Variants in ZNF750 observed in about 807,000 individuals in gnomAD.
ZNF750 encodes the protein protein ZNF750.
Under a neutral mutation model 31.6 loss-of-function variants are expected in ZNF750, and 10 were observed. That is an observed-to-expected ratio of 0.32 (90% CI 0.19 to 0.54). The LOEUF (loss-of-function observed/expected upper bound fraction) is 0.54, where lower values mean the gene tolerates loss of function less well. Ranked by LOEUF, ZNF750 falls within the 20% of genes least tolerant of loss-of-function variation. The pLI is 0.95. For missense variants in ZNF750, 914 were observed against 934.9 expected (o/e 0.98, Z 0.29); for synonymous variants, 400 against 404.9 (o/e 0.99, Z 0.15).
In ZNF750 at chr17:82,830,520, C is replaced by G. The variant is rs774568008; in HGVS notation, c.1794G>C (p.Glu598Asp). Residue 598 changes from glutamate (E) to aspartate (D), a missense_variant, in exon 3 of 3, where the codon GAG (glutamate) becomes GAC (aspartate). This residue lies in a region of ZNF750 where 880 missense variants were observed against 868.9 expected (regional missense o/e 1.01). Coordinates refer to ENST00000269394, the MANE Select transcript of ZNF750 (RefSeq NM_024702.3). ...EGSEDGPSHP[E>D]TKPGSLDGDG... ...CACCGTCGAGGCTGCCTGGCTTGGT[C>G]TCAGGGTGGCTGGGCCCATCCTCAG... 1.2e-6 allele frequency: 2 copies of G among 1,614,006 alleles called. No homozygotes were observed. The highest frequency in any genetic ancestry group is 3.3e-5 in the Admixed American group (2 of 60,028).
chr17:82,830,623 G>A lies in ZNF750; in HGVS notation c.1691C>T (p.Pro564Leu), dbSNP rs145441025. ...SVKDPCNTQA[P>L]RPAFPGRPRA... The stretch of plus-strand genomic sequence containing the variant: ...TGGTCGACCGGGGAAGGCAGGCCTC[G>A]GAGCCTGGGTGTTACAGGGGTCCTT... The change falls in exon 3 of 3, where the codon CCG becomes CTG. Residue 564 changes from proline (P) to leucine (L), a missense_variant. Physicochemically the swap from Pro to Leu is moderately conservative, Grantham distance 98 (BLOSUM62 -3). Coordinates refer to ENST00000269394, the MANE Select transcript of ZNF750 (RefSeq NM_024702.3). 222 of 1,614,050 alleles carry A rather than the reference G, an allele frequency of 1.4e-4. 1 individual carries two copies. The African/African-American group carries it at 2.5e-3, about 18-fold the overall frequency.
Position 82,831,217 on chromosome 17 carries a change from C to A in ZNF750, c.1238G>T (p.Gly413Val). The part of the protein sequence containing the change: ...RAGSAATGSP[G>V]RPSPTDFMQT... Reference sequence around the variant, plus strand: ...CATGAAGTCGGTGGGGCTCGGCCTCCCTGGGGAGCCCGTGGCTGCACTCCC... The same window carrying A: ...CATGAAGTCGGTGGGGCTCGGCCTCACTGGGGAGCCCGTGGCTGCACTCCC... Residue 413 changes from glycine (G) to valine (V), a missense_variant, in exon 2 of 3, where the codon GGG (glycine) becomes GTG (valine). Transcript: ENST00000269394. This position sits in a 1 kb window ranked among gnomAD's most constrained non-coding sequence, Gnocchi z 4.6. The A allele has an allele frequency of 6.2e-7, 1 of 1,614,044 alleles. No homozygotes were observed. The highest frequency in any genetic ancestry group is 1.7e-5 in the Admixed American group (1 of 60,024).
chr17:82,831,268 T>G lies in ZNF750; in HGVS notation c.1187A>C (p.Glu396Ala). The change falls in exon 2 of 3, where the codon GAA becomes GCA. Residue 396 changes from glutamate to alanine, a missense_variant. Transcript: ENST00000269394. The surrounding 1 kb of genome is among the most constrained non-coding windows in gnomAD (Gnocchi z 4.6). Reference protein sequence around the residue: ...DSSKAGQRDTEGSKMSPRAGS... With the variant: ...DSSKAGQRDTAGSKMSPRAGS... ...TGCGCGGGGGCTCATTTTGGACCCT[T>G]CCGTGTCTCTCTGCCCAGCCTTGGA... is the stretch of plus-strand genomic sequence containing the variant. 1.2e-6 allele frequency: 2 copies of G among 1,613,870 alleles called. No individual in the cohort carries two copies. The highest frequency in any genetic ancestry group is 1.7e-6 in the Non-Finnish European group (2 of 1,180,028).
At chr17:82,837,469 A>G (rs1429454809) in intron 1 of ZNF750, among the ~76,000 whole-genome samples, 1 of 152,226 alleles carries the variant, frequency 6.6e-6, no homozygotes, top group African/African-American at 2.4e-5. Flanking sequence ...TAGAGGGGAT[A>G]AAGAAGTGCG....
At chr17:82,839,051 C>T in intron 1 of ZNF750, 9 of 877,738 alleles carry the variant, frequency 1.0e-5, no homozygotes, top group Non-Finnish European at 1.1e-5. Context: ...GTACAGAAGA[C>T]CTTAACAACC....
In ZNF750 at chr17:82,832,278, C is replaced by G. The variant is rs769637910; in HGVS notation, c.177G>C (p.Gln59His). 1 of 1,614,114 alleles carries G rather than the reference C, an allele frequency of 6.2e-7. No homozygotes were observed. The highest frequency in any genetic ancestry group is 8.5e-7 in the Non-Finnish European group (1 of 1,180,054). Reference sequence around the variant, plus strand: ...ATTTAGGGCACTTGGGAACTCGATCCTGCTCTGATACTAAAGTAATCGAGT... The same window carrying G: ...ATTTAGGGCACTTGGGAACTCGATCGTGCTCTGATACTAAAGTAATCGAGT... ...CKNSITLVSE[Q>H]DRVPKCPKSN... The change falls in exon 2 of 3, where the codon CAG becomes CAC. Residue 59 changes from glutamine (Q) to histidine (H), a missense_variant. Physicochemically the swap from Gln to His is conservative, Grantham distance 24 (BLOSUM62 0). This residue lies in a region of ZNF750 where 880 missense variants were observed against 868.9 expected (regional missense o/e 1.01). Coordinates refer to ENST00000269394, the MANE Select transcript of ZNF750 (RefSeq NM_024702.3). This position sits in a 1 kb window ranked among gnomAD's most constrained non-coding sequence, Gnocchi z 4.9.
chr17:82,830,907 G>A (rs1348579409), intron 2 of ZNF750, 30 bp from the exon 3 acceptor site: 6 of 1,612,888 alleles, frequency 3.7e-6, no homozygotes, highest in Non-Finnish European at 5.1e-6. Flanking sequence ...AGCTTAGTAG[G>A]AGCTTGCTTA....
Position 82,830,610 on chromosome 17 carries a change from G to A in ZNF750, c.1704C>T (p.Phe568=), listed in dbSNP as rs773596288. 6.2e-7 allele frequency: 1 copy of A among 1,614,070 alleles called. No homozygotes were observed. Among genetic ancestry groups the A allele is most frequent in the Admixed American group, 1.7e-5 (1 of 60,024 alleles). The change falls in exon 3 of 3, where the codon TTC becomes TTT. Residue 568 remains phenylalanine, a synonymous_variant. Transcript: ENST00000269394. ...GTTCTGCAGCTCGTGGTCGACCGGGGAAGGCAGGCCTCGGAGCCTGGGTGT... is the reference window on the plus strand; with the variant it reads ...GTTCTGCAGCTCGTGGTCGACCGGGAAAGGCAGGCCTCGGAGCCTGGGTGT... ...PCNTQAPRPA[F]PGRPRAAEPA...
At chr17:82,839,007 A>G (rs962182805) in intron 1 of ZNF750, 92 of 981,640 alleles carry the variant, frequency 9.4e-5, no homozygotes, top group Non-Finnish European at 1.1e-4. Context: ...AATTTCATAT[A>G]AGGAAAAAAA....
Position 82,833,565 on chromosome 17 carries a change from A to T in ZNF750, c.-182-929T>A, listed in dbSNP as rs2053699148. On this transcript the variant is annotated intron_variant, in intron 1 of 2. Coordinates refer to ENST00000269394, the MANE Select transcript of ZNF750 (RefSeq NM_024702.3). The surrounding 1 kb of genome is among the most constrained non-coding windows in gnomAD (Gnocchi z 4.7). The stretch of plus-strand genomic sequence containing the variant: ...TGTACATCCTGTGAGTGACAGCAGC[A>T]TTGTGAGACATGCTTTCACGGTCAC... 6.6e-6 allele frequency among the ~76,000 whole-genome samples: 1 copy of T among 152,052 alleles called. No individual in the cohort carries two copies. Among genetic ancestry groups the T allele is most frequent in the Admixed American group, 6.5e-5 (1 of 15,270 alleles).
chr17:82,836,596 C>G (rs2145364573), intron 1 of ZNF750, among the ~76,000 whole-genome samples: 1 of 151,830 alleles, frequency 6.6e-6, no homozygotes. Flanking sequence ...AACACAAGCG[C>G]TCAGAGGAGC....
chr17:82,830,490 C>G lies in ZNF750; in HGVS notation c.1824G>C (p.Gly608=). 6.2e-7 allele frequency: 1 copy of G among 1,613,222 alleles called. No homozygotes were observed. The highest frequency in any genetic ancestry group is 1.1e-5 in the South Asian group (1 of 91,068). ...ETKPGSLDGD[G]APPTGPGEEA... ...CCTCGCCGGGGCCTGTGGGTGGGGC[C>G]CCGTCACCGTCGAGGCTGCCTGGCT... Residue 608 remains glycine (G), a synonymous_variant, in exon 3 of 3, where the codon GGG becomes GGC. Coordinates refer to ENST00000269394, the MANE Select transcript of ZNF750 (RefSeq NM_024702.3).
chr17:82,832,807 C>T lies in ZNF750; in HGVS notation c.-182-171G>A, dbSNP rs945444051. Among the ~76,000 whole-genome samples, 1 of 152,230 alleles carries T rather than the reference C, an allele frequency of 6.6e-6. No homozygotes were observed. The highest frequency in any genetic ancestry group is 1.5e-5 in the Non-Finnish European group (1 of 68,044). ...GTCACAGAAGCAGCCCTGCCCTACC[C>T]TTGGTAACCTGGCTGCTGACTCCCC... On this transcript the variant is annotated intron_variant, in intron 1 of 2. Coordinates refer to ENST00000269394, the MANE Select transcript of ZNF750 (RefSeq NM_024702.3). The surrounding 1 kb of genome is among the most constrained non-coding windows in gnomAD (Gnocchi z 4.9).
Position 82,832,226 on chromosome 17 carries a change from T to A in ZNF750, c.229A>T (p.Asn77Tyr), listed in dbSNP as rs764735274. ...KSNSLDPKQT[N>Y]QPDATAKPAS... ...GGCTTCGCCGTGGCATCGGGCTGGTTGGTTTGCTTGGGGTCTAGTGAGTTA... is the reference window on the plus strand; with the variant it reads ...GGCTTCGCCGTGGCATCGGGCTGGTAGGTTTGCTTGGGGTCTAGTGAGTTA... The change falls in exon 2 of 3, where the codon AAC becomes TAC. Residue 77 changes from asparagine (N) to tyrosine (Y), a missense_variant. By Grantham distance (143) the Asn-to-Tyr change is moderately radical (BLOSUM62 -2). Around this residue, in one of 2 missense-constraint regions of ZNF750, gnomAD observed 880 missense variants for 868.9 expected, o/e 1.01. Coordinates refer to ENST00000269394, the MANE Select transcript of ZNF750 (RefSeq NM_024702.3). This position sits in a 1 kb window ranked among gnomAD's most constrained non-coding sequence, Gnocchi z 4.9. The A allele has an allele frequency of 6.2e-7, 1 of 1,614,208 alleles. No individual in the cohort carries two copies. Among genetic ancestry groups the A allele is most frequent in the Admixed American group, 1.7e-5 (1 of 60,030 alleles).
Position 82,832,082 on chromosome 17 carries a change from A to G in ZNF750, c.373T>C (p.Cys125Arg), listed in dbSNP as rs1222001192. 4 of 1,614,014 alleles carry G rather than the reference A, an allele frequency of 2.5e-6. No homozygotes were observed. The highest frequency in any genetic ancestry group is 3.4e-6 in the Non-Finnish European group (4 of 1,179,944). ...TGGAGGGCTGGCTTCTGTCCCAGGCACCTGTGGGTTCCCCGGGCTTGCAGC... is the reference window on the plus strand; with the variant it reads ...TGGAGGGCTGGCTTCTGTCCCAGGCGCCTGTGGGTTCCCCGGGCTTGCAGC... ...LELQARGTHR[C>R]LGQKPALHRA... is the part of the protein sequence containing the mutation. Residue 125 changes from cysteine (C) to arginine (R), a missense_variant, in exon 2 of 3, where the codon TGC becomes CGC. Cys to Arg is a radical substitution (Grantham distance 180). Coordinates refer to ENST00000269394, the MANE Select transcript of ZNF750 (RefSeq NM_024702.3). The surrounding 1 kb of genome is among the most constrained non-coding windows in gnomAD (Gnocchi z 4.9).
chr17:82,839,698 C>T (rs926265865), intron 1 of ZNF750, among the ~76,000 whole-genome samples: 5 of 152,094 alleles, frequency 3.3e-5, no homozygotes, highest in African/African-American at 1.2e-4. Context: ...AGTTAATTTC[C>T]AGATAAGCTT....
At chr17:82,839,524 C>CAT (rs200682801) in intron 1 of ZNF750, among the ~76,000 whole-genome samples, 3,537 of 150,696 alleles carry the variant, frequency 0.023, 177 homozygotes, top group African/African-American at 0.082. Flanking sequence ...ATACACCACA[C>CAT]ATATAACCCT....
chr17:82,837,173 AATG>A (rs1194692537), intron 1 of ZNF750, among the ~76,000 whole-genome samples: 4 of 152,176 alleles, frequency 2.6e-5, no homozygotes, highest in Admixed American at 6.5e-5. Flanking sequence ...TAAGCTTTCA[AATG>A]ATGATGATGT....
chr17:82,830,862 G>C lies in ZNF750; in HGVS notation c.1452C>G (p.Asn484Lys), dbSNP rs2053439178. ...TTCCGGTCGGAGCAGGAGGGTCTCCGTTCACAACATTGAGGCTAGAAGAAG... is the reference window on the plus strand; with the variant it reads ...TTCCGGTCGGAGCAGGAGGGTCTCCCTTCACAACATTGAGGCTAGAAGAAG... ...AESPVSLNVV[N>K]GDPPAPTGSA... The change falls in exon 3 of 3, where the codon AAC becomes AAG. Residue 484 changes from asparagine (N) to lysine (K), a missense_variant. Transcript: ENST00000269394. The C allele has an allele frequency of 6.2e-7, 1 of 1,612,656 alleles. No homozygotes were observed. Among genetic ancestry groups the C allele is most frequent in the Non-Finnish European group, 8.5e-7 (1 of 1,180,028 alleles).
Sources: allele counts gnomAD v4.1 joint callset (sites outside exome capture counted in the v4.1 genomes callset), GRCh38; gene constraint gnomAD v4.1.1; regional missense constraint gnomAD v4.1.1; non-coding constraint Gnocchi (gnomAD v3.1); transcripts MANE v1.5; gene names NCBI Gene and HGNC (gene_info 2026-07-23, HGNC 2026-07-21).